The following NPAS3 variants were observed in gnomAD, a reference collection of about 807,000 sequenced individuals.
NPAS3 encodes neuronal PAS domain-containing protein 3.
A neutral mutation model predicts 73.1 loss-of-function variants in NPAS3; 14 were observed. That is an observed-to-expected ratio of 0.19 (90% CI 0.13 to 0.30). The LOEUF (loss-of-function observed/expected upper bound fraction) is 0.30, where lower values mean the gene tolerates loss of function less well. Ranked by LOEUF, NPAS3 falls within the 10% of genes least tolerant of loss-of-function variation. The pLI is 1.00. For missense variants in NPAS3, 1,096 were observed against 1,250.0 expected (o/e 0.88, Z 1.86); for synonymous variants, 620 against 541.5 (o/e 1.14, Z -2.01).
At chr14:33,495,898 T>C (rs2052159132) in intron 4 of NPAS3, among the ~76,000 whole-genome samples, 2 of 152,042 alleles carry the variant, frequency 1.3e-5, no homozygotes, top group Admixed American at 1.3e-4. Flanking sequence ...TTCAAAAAAA[T>C]CAATGAATCC....
chr14:33,433,297 G>A (rs17101105), intron 4 of NPAS3, among the ~76,000 whole-genome samples: 14,370 of 152,116 alleles, frequency 0.094, 852 homozygotes, highest in Admixed American at 0.2. Context: ...GATAAATAAC[G>A]ACTTGAAATT....
intron 5 of NPAS3, among the ~76,000 whole-genome samples, chr14:33,667,827 C>G (rs1017354537): frequency 6.6e-6 from 1 of 152,022 alleles, no homozygotes; most frequent in African/African-American, 2.4e-5. Context: ...GATTAACTCC[C>G]CAAATAATTT....
intron 5 of NPAS3, among the ~76,000 whole-genome samples, chr14:33,651,317 C>T (rs556969001): frequency 1.4e-3 from 216 of 152,282 alleles, no homozygotes; most frequent in Non-Finnish European, 2.3e-3. Context: ...CTTCCTGGTA[C>T]CCCGATCATA....
At chr14:33,189,995 C>T (rs2046112579) in intron 2 of NPAS3, among the ~76,000 whole-genome samples, 1 of 152,126 alleles carries the variant, frequency 6.6e-6, no homozygotes, top group South Asian at 2.1e-4. Flanking sequence ...AAAGTTGATG[C>T]TACTCTGCAT....
At chr14:33,738,092 T>G (rs1003374373) in intron 7 of NPAS3, among the ~76,000 whole-genome samples, 3 of 152,212 alleles carry the variant, frequency 2.0e-5, no homozygotes, top group Non-Finnish European at 4.4e-5. Flanking sequence ...CTGTGCCACA[T>G]GCTTCACAGT....
intron 7 of NPAS3, among the ~76,000 whole-genome samples, chr14:33,746,150 G>A (rs1254493421): frequency 1.3e-5 from 2 of 149,624 alleles, no homozygotes; most frequent in African/African-American, 5.0e-5. Context: ...GGATTCTATT[G>A]ACTCATTCTT....
chr14:33,200,889 T>G (rs2046588586), intron 2 of NPAS3, among the ~76,000 whole-genome samples: 1 of 152,200 alleles, frequency 6.6e-6, no homozygotes, highest in Non-Finnish European at 1.5e-5. Flanking sequence ...TGCACTGCTT[T>G]CTTTCACCTA....
At chr14:33,214,736 A>G (rs1377963417) in intron 2 of NPAS3, 1 of 155,750 alleles carries the variant, frequency 6.4e-6, no homozygotes, top group African/African-American at 2.4e-5. Flanking sequence ...ATTGAAATGA[A>G]TTTTTCAAAA....
At chr14:33,483,392 C>T (rs1055873357) in intron 4 of NPAS3, among the ~76,000 whole-genome samples, 3 of 152,108 alleles carry the variant, frequency 2.0e-5, no homozygotes, top group African/African-American at 7.2e-5. Flanking sequence ...TAGCGTTTCA[C>T]TAGGACTATA....
rs919148078 is a variant in NPAS3 at position 33,082,001 on chromosome 14, G to T, written c.140+26007G>T. On this transcript the variant is annotated intron_variant, in intron 2 of 11. Coordinates refer to ENST00000356141, the Ensembl canonical transcript of NPAS3. ...TTAAAGATTTATTAAAAGATCAATTGTCCTCGATGATTGGTCATGCCAGTG... is the reference window on the plus strand; with the variant it reads ...TTAAAGATTTATTAAAAGATCAATTTTCCTCGATGATTGGTCATGCCAGTG... 2.0e-4 allele frequency among the ~76,000 whole-genome samples: 30 copies of T among 152,140 alleles called. 1 individual carries two copies. The highest frequency in any genetic ancestry group is 1.9e-3 in the Admixed American group (29 of 15,278).
chr14:33,689,015 G>A (rs987599219), intron 6 of NPAS3, among the ~76,000 whole-genome samples: 5 of 152,190 alleles, frequency 3.3e-5, no homozygotes, highest in African/African-American at 1.2e-4. Context: ...ATAATTGAGA[G>A]TTACTGTATG....
At chr14:33,223,184 G>A (rs1436547163) in intron 3 of NPAS3, among the ~76,000 whole-genome samples, 1 of 152,156 alleles carries the variant, frequency 6.6e-6, no homozygotes, top group East Asian at 1.9e-4. Flanking sequence ...CGTGGCAAGT[G>A]CCTGTAATCC....
intron 4 of NPAS3, among the ~76,000 whole-genome samples, chr14:33,444,641 A>G (rs141963879): frequency 1.3e-5 from 2 of 152,352 alleles, no homozygotes; most frequent in East Asian, 3.9e-4. Context: ...GTCGGGTTAG[A>G]TGGAGTCCAT....
intron 4 of NPAS3, among the ~76,000 whole-genome samples, chr14:33,409,594 G>A (rs867473409): frequency 6.6e-6 from 1 of 152,152 alleles, no homozygotes; most frequent in Non-Finnish European, 1.5e-5. Flanking sequence ...CTTTTAAAAT[G>A]TGGAAAAGTG....
At chr14:33,445,055 C>G (rs547221740) in intron 4 of NPAS3, among the ~76,000 whole-genome samples, 103 of 152,338 alleles carry the variant, frequency 6.8e-4, no homozygotes, top group African/African-American at 2.4e-3. Context: ...GGATTATTTT[C>G]TCCTCAGGTT....
intron 1 of NPAS3, among the ~76,000 whole-genome samples, chr14:32,995,388 A>T (rs1438469892): frequency 1.3e-5 from 2 of 152,152 alleles, no homozygotes; most frequent in Admixed American, 1.3e-4. Flanking sequence ...GATTCCCACC[A>T]TGGTAGTCCT....
intron 2 of NPAS3, among the ~76,000 whole-genome samples, chr14:33,132,563 G>C (rs1399378615): frequency 6.6e-6 from 1 of 152,104 alleles, no homozygotes; most frequent in African/African-American, 2.4e-5. Context: ...AGTGCTGTGG[G>C]ACTATAAGCA....
intron 1 of NPAS3, among the ~76,000 whole-genome samples, chr14:32,979,936 A>G (rs527761308): frequency 6.6e-6 from 1 of 152,302 alleles, no homozygotes; most frequent in East Asian, 1.9e-4. Flanking sequence ...ACTTAGTTTT[A>G]GGATTATGTC....
At chr14:33,713,002 C>G (rs960512230) in intron 6 of NPAS3, among the ~76,000 whole-genome samples, 25 of 152,154 alleles carry the variant, frequency 1.6e-4, no homozygotes, top group African/African-American at 5.8e-4. Context: ...CCATATTCAT[C>G]TCTTACTCCT....
Sources: gnomAD v4.1 joint callset for allele counts (sites outside exome capture counted in the v4.1 genomes callset) on GRCh38, gnomAD v4.1.1 for gene constraint, MANE v1.5 for transcripts, NCBI Gene and HGNC (gene_info 2026-07-23, HGNC 2026-07-21) for gene names.